Variants in BRIP1 observed in about 807,000 individuals in gnomAD.
The protein encoded by BRIP1 is Fanconi anemia group J protein.
In BRIP1, 88 loss-of-function variants were observed where a neutral mutation model predicts 119.7. That is an observed-to-expected ratio of 0.74 (90% CI 0.62 to 0.88). The LOEUF (loss-of-function observed/expected upper bound fraction) is 0.88, where lower values mean the gene tolerates loss of function less well. Ranked by LOEUF, BRIP1 falls within the 40% of genes least tolerant of loss-of-function variation. The pLI, the probability that BRIP1 is intolerant of heterozygous loss-of-function variation, is 0.00. For synonymous variants in BRIP1, 443 were observed against 496.5 expected, an observed-to-expected ratio of 0.89 and a Z score of 1.43; for missense variants, 1,259 against 1,455.4, an observed-to-expected ratio of 0.87 and a Z score of 2.20.
At position 61,721,692 on chromosome 17, in the gene BRIP1, C is replaced by CTTT. The variant is rs71150632; in HGVS notation, c.2380-5632_2380-5630dup. On this transcript the variant is annotated intron_variant, in intron 16 of 19. Transcript: ENST00000259008. ...GACATATAAAGGACATAGACTTTGC[C>CTTT]TTTTTTTTTTTTTTTTTTTTTTTTG... Among the ~76,000 whole-genome samples the CTTT allele has an allele frequency of 6.0e-4, 44 of 73,616 alleles. 1 individual carries two copies. The highest frequency in any genetic ancestry group is 1.5e-3 in the African/African-American group (26 of 17,246). The allele number at this position is 73,616 out of a possible 152,430, so 48.3% of individuals were successfully genotyped here. A position where few individuals can be genotyped will look rare whatever the true frequency, so the allele number is the denominator to read the frequency against.
Position 61,730,917 on chromosome 17 carries a change from G to A in BRIP1, c.2379+12096C>T, listed in dbSNP as rs950133151. ...TGTTTGTTCATTTGTTTTTCAGAAG[G>A]GATGGAAACAGAGGGGTTTCATTAA... On this transcript the variant is annotated intron_variant, in intron 16 of 19. Coordinates refer to ENST00000259008, the MANE Select transcript of BRIP1 (RefSeq NM_032043.3). The surrounding 1 kb of genome is among the most constrained non-coding windows in gnomAD (Gnocchi z 4.3). 2.0e-5 allele frequency among the ~76,000 whole-genome samples: 3 copies of A among 151,816 alleles called. No individual in the cohort carries two copies. The highest frequency in any genetic ancestry group is 7.3e-5 in the African/African-American group (3 of 41,320).
Position 61,808,486 on chromosome 17 carries a change from T to C in BRIP1, c.899A>G (p.Glu300Gly), listed in dbSNP as rs2078106857. The change falls in exon 7 of 20, where the codon GAA becomes GGA. Residue 300 changes from glutamate to glycine, a missense_variant. Transcript: ENST00000259008. This position sits in a 1 kb window ranked among gnomAD's most constrained non-coding sequence, Gnocchi z 4.1. Reference sequence around the variant, plus strand: ...ACTCACGTTTTTCCCATCTAGCAATTCCATGCACTTCTCATTTCTGTTGAA... The same window carrying C: ...ACTCACGTTTTTCCCATCTAGCAATCCCATGCACTTCTCATTTCTGTTGAA... ...GNFNRNEKCM[E>G]LLDGKNGKSC... 6.2e-7 allele frequency: 1 copy of C among 1,613,584 alleles called. No homozygotes were observed. The highest frequency in any genetic ancestry group is 8.5e-7 in the Non-Finnish European group (1 of 1,179,616).
intron 17 of BRIP1, among the ~76,000 whole-genome samples, chr17:61,707,304 TTTTGTC>T (rs1234687482): frequency 4.0e-5 from 6 of 149,208 alleles, no homozygotes; most frequent in Non-Finnish European, 7.4e-5. Flanking sequence ...AGACCTGTCT[TTTTGTC>T]TTTGGAAGAT....
At chr17:61,718,761 T>C (rs553507581) in intron 16 of BRIP1, among the ~76,000 whole-genome samples, 8 of 152,348 alleles carry the variant, frequency 5.3e-5, no homozygotes, top group Non-Finnish European at 1.2e-4. Flanking sequence ...GTATATCAAA[T>C]GGTACAGTTG....
chr17:61,729,172 G>A lies in BRIP1; in HGVS notation c.2380-13109C>T, dbSNP rs1046748890. On this transcript the variant is annotated intron_variant, in intron 16 of 19. Coordinates refer to ENST00000259008, the MANE Select transcript of BRIP1 (RefSeq NM_032043.3). This position sits in a 1 kb window ranked among gnomAD's most constrained non-coding sequence, Gnocchi z 5.6. ...CGCATGCCTGTAATCCCAGCTACTC[G>A]GGAGGCTGAGGCAGGAGGATCGCTT... Among the ~76,000 whole-genome samples, 5 of 151,980 alleles carry A rather than the reference G, an allele frequency of 3.3e-5. No individual in the cohort carries two copies. The highest frequency in any genetic ancestry group is 1.5e-5 in the Non-Finnish European group (1 of 67,994).
intron 10 of BRIP1, among the ~76,000 whole-genome samples, chr17:61,788,775 G>A (rs753943583): frequency 1.3e-5 from 2 of 152,008 alleles, no homozygotes; most frequent in African/African-American, 2.4e-5. Context: ...AGGCAACATA[G>A]TGAGACCCTG....
At chr17:61,749,214 T>C (rs779468412) in intron 14 of BRIP1, among the ~76,000 whole-genome samples, 1 of 151,106 alleles carries the variant, frequency 6.6e-6, no homozygotes, top group Non-Finnish European at 1.5e-5. Context: ...GATTTAACAA[T>C]GATTTTATGC....
intron 11 of BRIP1, among the ~76,000 whole-genome samples, chr17:61,782,213 G>A (rs1418049976): frequency 1.3e-5 from 2 of 151,764 alleles, no homozygotes; most frequent in East Asian, 2.0e-4. Flanking sequence ...GTGAAACCCC[G>A]TCTCTACTAG....
chr17:61,833,352 T>C lies in BRIP1; in HGVS notation c.627+13749A>G, dbSNP rs186459059. Among the ~76,000 whole-genome samples the C allele has an allele frequency of 2.0e-5, 3 of 152,294 alleles. No homozygotes were observed. The East Asian group carries it at 5.8e-4, about 29-fold the overall frequency. ...AACATTTCCACCATAGAGAATACTA[T>C]GTTTTCTCCAAGCTCTCAAAAAATT... is the stretch of plus-strand genomic sequence containing the variant. On this transcript the variant is annotated intron_variant, in intron 6 of 19. Coordinates refer to ENST00000259008, the MANE Select transcript of BRIP1 (RefSeq NM_032043.3).
rs1471296854 is a variant in BRIP1, at chr17:61,751,685, C to CT, written c.2098-7095dup. Among the ~76,000 whole-genome samples the CT allele has an allele frequency of 6.6e-6, 1 of 151,934 alleles. No homozygotes were observed. The highest frequency in any genetic ancestry group is 2.4e-5 in the African/African-American group (1 of 41,350). On this transcript the variant is annotated intron_variant, in intron 14 of 19. Transcript: ENST00000259008. The surrounding 1 kb of genome is among the most constrained non-coding windows in gnomAD (Gnocchi z 6.7). ...ATATAAAGTTCAAAAACAATATGTT[C>CT]TTTGAGAAAAATATATATAACTTTA...
At chr17:61,838,097 A>G (rs1174757089) in intron 6 of BRIP1, among the ~76,000 whole-genome samples, 1 of 152,246 alleles carries the variant, frequency 6.6e-6, no homozygotes, top group Non-Finnish European at 1.5e-5. Flanking sequence ...ATGCAACTGC[A>G]GATTTGAAAA....
rs769534831 is a variant in BRIP1, at chr17:61,725,175, G to A, written c.2380-9112C>T. 3.9e-5 allele frequency among the ~76,000 whole-genome samples: 6 copies of A among 151,982 alleles called. No homozygotes were observed. Among genetic ancestry groups the A allele is most frequent in the African/African-American group, 1.4e-4 (6 of 41,396 alleles). On this transcript the variant is annotated intron_variant, in intron 16 of 19. Transcript: ENST00000259008. The surrounding 1 kb of genome is among the most constrained non-coding windows in gnomAD (Gnocchi z 5.3). ...TACACTTTTTTTAAATGGGGAAAATGAGTTAGTTTCTGCCAAGAGTTAAGA... is the reference window on the plus strand; with the variant it reads ...TACACTTTTTTTAAATGGGGAAAATAAGTTAGTTTCTGCCAAGAGTTAAGA...
Position 61,784,963 on chromosome 17 carries a change from T to C in BRIP1, c.1474-539A>G, listed in dbSNP as rs192923808. Among the ~76,000 whole-genome samples, 547 of 152,276 alleles carry C rather than the reference T, an allele frequency of 3.6e-3. 4 individuals carry two copies. Among genetic ancestry groups the C allele is most frequent in the African/African-American group, 0.013 (530 of 41,562 alleles). On this transcript the variant is annotated intron_variant, in intron 10 of 19. Coordinates refer to ENST00000259008, the MANE Select transcript of BRIP1 (RefSeq NM_032043.3). Reference sequence around the variant, plus strand: ...TAGTGATACAAACAAAGACAATTATTAACAGCACAATGCTAACAATATATT... The same window carrying C: ...TAGTGATACAAACAAAGACAATTATCAACAGCACAATGCTAACAATATATT...
In BRIP1 at chr17:61,729,659, G is replaced by GT. The variant is rs1308552167; in HGVS notation, c.2379+13353dup. On this transcript the variant is annotated intron_variant, in intron 16 of 19. Transcript: ENST00000259008. This position sits in a 1 kb window ranked among gnomAD's most constrained non-coding sequence, Gnocchi z 5.6. ...GTATTTAGTGTATATTAGACTCTTG[G>GT]TAAGTGCTTTATTGGACGTTTTTCA... is the stretch of plus-strand genomic sequence containing the variant. Among the ~76,000 whole-genome samples the GT allele has an allele frequency of 1.3e-5, 2 of 152,158 alleles. No individual in the cohort carries two copies. The highest frequency in any genetic ancestry group is 2.9e-5 in the Non-Finnish European group (2 of 68,026).
At position 61,758,474 on chromosome 17, in the gene BRIP1, A is replaced by C. The variant is rs1403337608; in HGVS notation, c.2098-13883T>G. Among the ~76,000 whole-genome samples the C allele has an allele frequency of 6.6e-6, 1 of 152,196 alleles. No individual in the cohort carries two copies. Among genetic ancestry groups the C allele is most frequent in the African/African-American group, 2.4e-5 (1 of 41,444 alleles). On this transcript the variant is annotated intron_variant, in intron 14 of 19. Transcript: ENST00000259008. The surrounding 1 kb of genome is among the most constrained non-coding windows in gnomAD (Gnocchi z 5.3). ...AGTATTGCCATCTGAATCTGCTGTA[A>C]ATTTGTTGCTCTAAAACTTGAAAGA...
At chr17:61,721,898 G>A (rs1332502230) in intron 16 of BRIP1, among the ~76,000 whole-genome samples, 1 of 149,236 alleles carries the variant, frequency 6.7e-6, no homozygotes, top group East Asian at 2.0e-4. Context: ...TTGTTTGTTT[G>A]TTTGTTTTTT....
chr17:61,776,566 G>C lies in BRIP1; in HGVS notation c.1936-4C>G, dbSNP rs587780552. On this transcript the variant is annotated splice_polypyrimidine_tract_variant and splice_region_variant and intron_variant, in intron 13 of 19. Transcript: ENST00000259008. The surrounding 1 kb of genome is among the most constrained non-coding windows in gnomAD (Gnocchi z 5.0). ...ACCCAATGGTACCAACCCAAACCTA[G>C]AATATGAATATGTCATTATTAGAGT... 1 of 1,613,392 alleles carries C rather than the reference G, an allele frequency of 6.2e-7. No individual in the cohort carries two copies. The highest frequency in any genetic ancestry group is 8.5e-7 in the Non-Finnish European group (1 of 1,179,442).
In BRIP1 at chr17:61,736,162, C is replaced by CAA. The variant is rs779287175; in HGVS notation, c.2379+6849_2379+6850dup. On this transcript the variant is annotated intron_variant, in intron 16 of 19. Coordinates refer to ENST00000259008, the MANE Select transcript of BRIP1 (RefSeq NM_032043.3). This position sits in a 1 kb window ranked among gnomAD's most constrained non-coding sequence, Gnocchi z 4.4. The stretch of plus-strand genomic sequence containing the variant: ...ACAACATAGCAAGACCTCGCCTCTC[C>CAA]AAAAAAAAAAAAAAGTTTAGCCAGG... Among the ~76,000 whole-genome samples, 6 of 129,312 alleles carry CAA rather than the reference C, an allele frequency of 4.6e-5. No individual in the cohort carries two copies. The highest frequency in any genetic ancestry group is 7.8e-5 in the Admixed American group (1 of 12,830). The allele number at this position is 129,312 out of a possible 152,430, so 84.8% of individuals were successfully genotyped here.
At chr17:61,849,336 T>C in intron 4 of BRIP1, 80 bp from the exon 5 acceptor site, 1 of 1,212,930 alleles carries the variant, frequency 8.2e-7, no homozygotes, top group East Asian at 2.3e-5. Flanking sequence ...GGAACCAGGA[T>C]GTAAGGCTTA....
Sources: allele counts gnomAD v4.1 joint callset (sites outside exome capture counted in the v4.1 genomes callset), GRCh38; gene constraint gnomAD v4.1.1; non-coding constraint Gnocchi (gnomAD v3.1); transcripts MANE v1.5; gene names NCBI Gene and HGNC (gene_info 2026-07-23, HGNC 2026-07-21).